DCK: variants seen among roughly 807,000 people sequenced by gnomAD.
The protein encoded by DCK is deoxycytidine kinase.
DCK carries 23 observed loss-of-function variants against 38.3 expected under a neutral mutation model. The observed-to-expected ratio is 0.60, with a 90% CI of 0.43 to 0.85. DCK has a LOEUF of 0.85. DCK is among the 40% of genes least tolerant of loss of function. The pLI, the probability that DCK is intolerant of heterozygous loss-of-function variation, is 0.00. For missense variants in DCK, 259 were observed against 304.4 expected (o/e 0.85, Z 1.11); for synonymous variants, 108 against 100.6 (o/e 1.07, Z -0.44).
intron 4 of DCK, among the ~76,000 whole-genome samples, chr4:71,024,806 A>G (rs534165311): frequency 1.3e-5 from 2 of 152,248 alleles, no homozygotes; most frequent in South Asian, 4.1e-4. Flanking sequence ...TGAAACATTT[A>G]TAGTCACTAT....
intron 6 of DCK, chr4:71,028,489 G>A: frequency 3.2e-6 from 1 of 308,366 alleles, no homozygotes; most frequent in South Asian, 2.5e-5. Flanking sequence ...GTTCAAGGCT[G>A]CAGTGAGCTT....
At chr4:71,019,331 T>G (rs1560686725) in intron 2 of DCK, among the ~76,000 whole-genome samples, 1 of 152,204 alleles carries the variant, frequency 6.6e-6, no homozygotes, top group East Asian at 1.9e-4. Context: ...GCAAGAGAGA[T>G]TATATTTATT....
At chr4:71,001,691 G>A (rs906384560) in intron 2 of DCK, among the ~76,000 whole-genome samples, 7 of 152,036 alleles carry the variant, frequency 4.6e-5, no homozygotes, top group African/African-American at 1.7e-4. Flanking sequence ...TTAAACCAGA[G>A]TTCTTCCTGG....
intron 2 of DCK, among the ~76,000 whole-genome samples, chr4:71,002,751 TC>T: frequency 6.6e-6 from 1 of 152,294 alleles, no homozygotes; most frequent in South Asian, 2.1e-4. Context: ...TGATTTAAAG[TC>T]TGTTTTATCT....
At chr4:71,003,582 G>C (rs1739865271) in intron 2 of DCK, among the ~76,000 whole-genome samples, 1 of 151,968 alleles carries the variant, frequency 6.6e-6, no homozygotes, top group African/African-American at 2.4e-5. Flanking sequence ...GTCAGTTTCA[G>C]GTATACCAGT....
intron 1 of DCK, among the ~76,000 whole-genome samples, chr4:70,997,278 CT>C (rs1218351858): frequency 6.6e-6 from 1 of 152,120 alleles, no homozygotes; most frequent in African/African-American, 2.4e-5. Context: ...TTTCTATATG[CT>C]TTCACTTCCA....
Position 70,993,667 on chromosome 4 carries a change from C to A in DCK, c.-169C>A, listed in dbSNP as rs1038873994. 7.9e-5 allele frequency: 44 copies of A among 559,386 alleles called. No individual in the cohort carries two copies. The highest frequency in any genetic ancestry group is 3.4e-5 in the Admixed American group (1 of 29,732). The allele number at this position is 559,386 out of a possible 1,614,324, so 34.7% of individuals were successfully genotyped here. A position where few individuals can be genotyped will look rare whatever the true frequency, so the allele number is the denominator to read the frequency against. ...GCCCGCCAGTGTCCTCAGCTGCCTC[C>A]GCGCGCCAAAGTCAAACCCCGACAC... On this transcript the variant is annotated 5_prime_UTR_variant, in exon 1 of 7. Coordinates refer to ENST00000286648, the MANE Select transcript of DCK (RefSeq NM_000788.3).
intron 1 of DCK, among the ~76,000 whole-genome samples, chr4:70,995,851 C>T (rs1739648660): frequency 6.6e-6 from 1 of 152,058 alleles, no homozygotes; most frequent in Non-Finnish European, 1.5e-5. Context: ...TTTGCCTTTA[C>T]CTACACTGAA....
chr4:71,027,885 A>G (rs1740580031), intron 6 of DCK, among the ~76,000 whole-genome samples: 1 of 152,234 alleles, frequency 6.6e-6, no homozygotes, highest in Non-Finnish European at 1.5e-5. Context: ...AATTTTATCT[A>G]ACACTTCTTT....
Position 71,022,397 on chromosome 4 carries a change from A to G in DCK, c.238A>G (p.Asn80Asp). The change falls in exon 3 of 7, where the codon AAT becomes GAT. Residue 80 changes from asparagine (N) to aspartate (D), a missense_variant. By Grantham distance (23) the Asn-to-Asp change is conservative. Transcript: ENST00000286648. ...TACAATGTCTCAGAAAAATGGTGGGAATGTTCTTCAGATGATGTATGAGAA... is the reference window on the plus strand; with the variant it reads ...TACAATGTCTCAGAAAAATGGTGGGGATGTTCTTCAGATGATGTATGAGAA... ...ELTMSQKNGG[N>D]VLQMMYEKPE... 1.3e-6 allele frequency: 2 copies of G among 1,539,110 alleles called. No individual in the cohort carries two copies. The highest frequency in any genetic ancestry group is 2.4e-5 in the East Asian group (1 of 41,652).
rs1740558569 is a variant in DCK, at chr4:71,026,835, A to T, written c.756+80A>T. On this transcript the variant is annotated intron_variant, in intron 6 of 6. Coordinates refer to ENST00000286648, the MANE Select transcript of DCK (RefSeq NM_000788.3). ...AGTGGTGAGAAAACAATTTTCTAAC[A>T]GAAAAGCTTCCATAAAGTTACATTA... 5.8e-6 allele frequency: 4 copies of T among 694,836 alleles called. No homozygotes were observed. In the South Asian group the frequency reaches 7.2e-5, roughly 12 times the overall value. The allele number at this position is 694,836 out of a possible 1,614,324, so 43.0% of individuals were successfully genotyped here. A position where few individuals can be genotyped will look rare whatever the true frequency, so the allele number is the denominator to read the frequency against.
At chr4:71,004,424 G>T (rs1739887948) in intron 2 of DCK, among the ~76,000 whole-genome samples, 1 of 152,208 alleles carries the variant, frequency 6.6e-6, no homozygotes, top group South Asian at 2.1e-4. Flanking sequence ...TCCTAGTCAG[G>T]AGGCATGGGG....
rs906181352 is a variant in DCK at position 71,030,793 on chromosome 4, T to G, written c.*1415T>G. The G allele has an allele frequency of 4.6e-5, 7 of 152,134 alleles. No individual in the cohort carries two copies. Among genetic ancestry groups the G allele is most frequent in the African/African-American group, 1.4e-4 (6 of 41,452 alleles). 9.4% of individuals were successfully genotyped at this position (152,134 alleles called of 1,614,324 possible). A position where few individuals can be genotyped will look rare whatever the true frequency, so the allele number is the denominator to read the frequency against. ...ATTGTATAAATTACTTTGATTCCAT[T>G]TTAAGTGGAGACATATTTCAGTGAT... On this transcript the variant is annotated 3_prime_UTR_variant, in exon 7 of 7. Transcript: ENST00000286648.
At chr4:71,027,146 A>G (rs1333316821) in intron 6 of DCK, among the ~76,000 whole-genome samples, 1 of 152,126 alleles carries the variant, frequency 6.6e-6, no homozygotes, top group South Asian at 2.1e-4. Flanking sequence ...ACCAATCTTT[A>G]GATACTTTAA....
intron 1 of DCK, among the ~76,000 whole-genome samples, chr4:70,996,658 C>T (rs1490609617): frequency 6.6e-6 from 1 of 152,178 alleles, no homozygotes; most frequent in Non-Finnish European, 1.5e-5. Context: ...TTAAGCTGTG[C>T]GTAAACTATT....
chr4:71,004,718 T>C (rs1739894560), intron 2 of DCK, among the ~76,000 whole-genome samples: 1 of 152,226 alleles, frequency 6.6e-6, no homozygotes, highest in African/African-American at 2.4e-5. Flanking sequence ...TGTGGTGGGC[T>C]CTGCCCAGCT....
At chr4:71,026,625 T>G (rs904625188) in intron 5 of DCK, 40 bp from the exon 6 acceptor site, 1 of 978,632 alleles carries the variant, frequency 1.0e-6, no homozygotes, top group Non-Finnish European at 1.6e-6. Context: ...TTTTTTTTGT[T>G]GAATTTCTGA....
intron 1 of DCK, among the ~76,000 whole-genome samples, chr4:70,997,329 C>T (rs1211111483): frequency 6.6e-6 from 1 of 152,104 alleles, no homozygotes; most frequent in East Asian, 1.9e-4. Flanking sequence ...CCTAAGCTTA[C>T]ACTCTCCATA....
intron 2 of DCK, among the ~76,000 whole-genome samples, chr4:71,015,139 ACACC>A (rs1740224768): frequency 5.3e-3 from 1 of 188 alleles, no homozygotes. Flanking sequence ...AATACTATAA[ACACC>A]TCTACAAACA....
Sources: gnomAD v4.1 joint callset for allele counts (sites outside exome capture counted in the v4.1 genomes callset) on GRCh38, gnomAD v4.1.1 for gene constraint, MANE v1.5 for transcripts, NCBI Gene and HGNC (gene_info 2026-07-23, HGNC 2026-07-21) for gene names.